Variants in HEG1 observed in about 807,000 individuals in gnomAD.
HEG1 encodes the protein protein HEG homolog 1.
Under a neutral mutation model 125.6 loss-of-function variants are expected in HEG1, and 56 were observed. The ratio of observed to expected loss-of-function variants is 0.45; its 90% CI spans 0.36 to 0.56. The LOEUF (loss-of-function observed/expected upper bound fraction) is 0.56, where lower values mean the gene tolerates loss of function less well. Among genes scored for constraint, HEG1 ranks in the 20% least tolerant of loss-of-function variants. HEG1 has a pLI of 0.00. For synonymous variants in HEG1, 644 were observed against 668.5 expected (o/e 0.96, Z 0.57); for missense variants, 1,523 against 1,670.0 (o/e 0.91, Z 1.53).
At chr3:124,994,822 A>C (rs1348616042) in intron 12 of HEG1, among the ~76,000 whole-genome samples, 1 of 151,408 alleles carries the variant, frequency 6.6e-6, no homozygotes, top group African/African-American at 2.4e-5. Flanking sequence ...CATCTTAAAA[A>C]CTCTTTTGTT....
At chr3:125,041,865 AT>A (rs1937596246) in intron 1 of HEG1, among the ~76,000 whole-genome samples, 1 of 152,258 alleles carries the variant, frequency 6.6e-6, no homozygotes, top group Non-Finnish European at 1.5e-5. Context: ...CAAATATTAC[AT>A]GATTCCACTT....
chr3:125,010,510 A>G lies in HEG1; in HGVS notation c.3002T>C (p.Val1001Ala), dbSNP rs1017345596. The change falls in exon 7 of 17, where the codon GTC (valine) becomes GCC (alanine). Residue 1001 changes from valine (V) to alanine (A), a missense_variant. By Grantham distance (64) the Val-to-Ala change is moderately conservative. Coordinates refer to ENST00000311127, the MANE Select transcript of HEG1 (RefSeq NM_020733.2). ...GTAGCCACGGCTGGTGTTGTCTGCG[A>G]CGCATTCGCCATTGTGAAGACAAGG... ...VNPCLHNGEC[V>A]ADNTSRGYHC... The G allele has an allele frequency of 5.8e-6, 9 of 1,560,234 alleles. No homozygotes were observed. Among genetic ancestry groups the G allele is most frequent in the South Asian group, 3.6e-5 (3 of 84,440 alleles).
Position 125,012,894 on chromosome 3 carries a change from T to C in HEG1, c.2685A>G (p.Thr895=). The change falls in exon 6 of 17, where the codon ACA becomes ACG. Residue 895 remains threonine (T), a synonymous_variant. Transcript: ENST00000311127. The part of the protein sequence containing the change: ...HPEILVPQIS[T]EGGISTERNR... ...TCCTTTCTGTGCTGATGCCACCTTC[T>C]GTTGAGATTTGAGGAACTAGTATTT... The C allele has an allele frequency of 6.2e-7, 1 of 1,614,082 alleles. No homozygotes were observed. The highest frequency in any genetic ancestry group is 8.5e-7 in the Non-Finnish European group (1 of 1,179,900).
intron 1 of HEG1, among the ~76,000 whole-genome samples, chr3:125,050,026 C>T (rs1435215988): frequency 1.3e-5 from 2 of 152,174 alleles, no homozygotes; most frequent in African/African-American, 2.4e-5. Flanking sequence ...GGGAGCCTAA[C>T]TGGCCTCTTC....
chr3:125,007,298 G>T (rs563108033), intron 8 of HEG1, among the ~76,000 whole-genome samples: 1 of 151,418 alleles, frequency 6.6e-6, no homozygotes, highest in East Asian at 1.9e-4. Flanking sequence ...CTTTTGGTGT[G>T]AATATAAAGA....
At position 125,039,155 on chromosome 3, in the gene HEG1, C is replaced by T. The variant is rs553951237; in HGVS notation, c.317-9667G>A. Among the ~76,000 whole-genome samples the T allele has an allele frequency of 3.9e-5, 6 of 152,210 alleles. No individual in the cohort carries two copies. The Middle Eastern group carries it at 0.01, about 259-fold the overall frequency. ...TGAATGGAGATTAAATTAACAAGAG[C>T]GTTTTATTGCTTGCTTTGCCTGTTT... is the stretch of plus-strand genomic sequence containing the variant. On this transcript the variant is annotated intron_variant, in intron 1 of 16. Coordinates refer to ENST00000311127, the MANE Select transcript of HEG1 (RefSeq NM_020733.2).
chr3:125,029,315 C>T lies in HEG1; in HGVS notation c.490G>A (p.Ala164Thr), dbSNP rs199818051. 157 of 1,613,810 alleles carry T rather than the reference C, an allele frequency of 9.7e-5. No individual in the cohort carries two copies. The highest frequency in any genetic ancestry group is 3.8e-4 in the Admixed American group (23 of 60,004). Residue 164 changes from alanine to threonine, a missense_variant, in exon 2 of 17, where the codon GCT (alanine) becomes ACT (threonine). Ala to Thr is a moderately conservative substitution (Grantham distance 58, BLOSUM62 0). Transcript: ENST00000311127. The part of the protein sequence containing the change: ...SDAPENLTLL[A>T]ETADARGRSG... ...CTTCCTCTAGCATCTGCTGTTTCAG[C>T]GAGTAGAGTGAGGTTTTCTGGAGCA... is the stretch of plus-strand genomic sequence containing the variant.
chr3:124,988,109 C>T (rs1026076965), intron 14 of HEG1, among the ~76,000 whole-genome samples: 1 of 151,758 alleles, frequency 6.6e-6, no homozygotes, highest in African/African-American at 2.4e-5. Context: ...ACAGGCTACT[C>T]CATTCTCTGA....
chr3:125,050,649 T>C (rs1296064654), intron 1 of HEG1, among the ~76,000 whole-genome samples: 1 of 152,186 alleles, frequency 6.6e-6, no homozygotes, highest in African/African-American at 2.4e-5. Context: ...TCATGCATCG[T>C]TATTTCGCTT....
chr3:124,979,615 G>T (rs962597315), intron 14 of HEG1, among the ~76,000 whole-genome samples: 2 of 152,108 alleles, frequency 1.3e-5, no homozygotes, highest in African/African-American at 4.8e-5. Flanking sequence ...TTCTCTAGTT[G>T]TAGGATCCAG....
chr3:125,027,347 A>T lies in HEG1; in HGVS notation c.771T>A (p.Ala257=), dbSNP rs373103215. The T allele has an allele frequency of 1.2e-6, 2 of 1,614,012 alleles. No individual in the cohort carries two copies. The highest frequency in any genetic ancestry group is 1.3e-5 in the African/African-American group (1 of 75,052). The change falls in exon 3 of 17, where the codon GCT becomes GCA. Residue 257 remains alanine, a synonymous_variant. Coordinates refer to ENST00000311127, the MANE Select transcript of HEG1 (RefSeq NM_020733.2). ...AAGCAGGAAGAAAGGACGGGCTCCAAGCCGAAGTGGTGGCCTCTTGGCTGT... is the reference window on the plus strand; with the variant it reads ...AAGCAGGAAGAAAGGACGGGCTCCATGCCGAAGTGGTGGCCTCTTGGCTGT... ...TVHSQEATTS[A]WSPSFLPALE...
chr3:125,002,093 C>T (rs1937009869), intron 10 of HEG1, 81 bp from the exon 11 acceptor site: 1 of 1,561,990 alleles, frequency 6.4e-7, no homozygotes, highest in African/African-American at 1.4e-5. Context: ...ATGTCATCGC[C>T]ATTCACCAGT....
At chr3:125,002,181 G>A (rs1937010920) in intron 10 of HEG1, 76 bp downstream of exon 10, 1 of 1,522,952 alleles carries the variant, frequency 6.6e-7, no homozygotes. Flanking sequence ...GCCCGGTTTT[G>A]TTGCTATCAC....
intron 5 of HEG1, 67 bp downstream of exon 5, chr3:125,019,195 A>T: frequency 7.3e-7 from 1 of 1,367,904 alleles, no homozygotes; most frequent in Non-Finnish European, 1.0e-6. Flanking sequence ...TACGCCACAG[A>T]TTTCATAAGC....
intron 5 of HEG1, 81 bp from the exon 6 acceptor site, chr3:125,014,071 T>C: frequency 1.6e-6 from 2 of 1,277,648 alleles, no homozygotes; most frequent in Non-Finnish European, 2.1e-6. Context: ...AGACTTTCAG[T>C]GTCATGAAAC....
chr3:124,966,335 G>T lies in HEG1; in HGVS notation c.*4317C>A, dbSNP rs914421000. The T allele has an allele frequency of 3.3e-5, 5 of 152,320 alleles. No homozygotes were observed. Among genetic ancestry groups the T allele is most frequent in the Non-Finnish European group, 5.9e-5 (4 of 68,024 alleles). The allele number at this position is 152,320 out of a possible 1,614,324, so 9.4% of individuals were successfully genotyped here. ...GGTTTTCTGTGAGCAGTTTACACCA[G>T]ATATGATGGAGTATAACGCTAATGA... On this transcript the variant is annotated 3_prime_UTR_variant, in exon 17 of 17. Transcript: ENST00000311127.
chr3:125,020,739 A>C (rs1179070910), intron 4 of HEG1, 53 bp downstream of exon 4: 1 of 1,491,846 alleles, frequency 6.7e-7, no homozygotes, highest in Non-Finnish European at 9.1e-7. Flanking sequence ...CCCTAAGAAA[A>C]TTCAATGATT....
chr3:125,042,310 C>T (rs2107712297), intron 1 of HEG1, among the ~76,000 whole-genome samples: 1 of 152,290 alleles, frequency 6.6e-6, no homozygotes, highest in Admixed American at 6.5e-5. Context: ...TGTCTGTAAT[C>T]TCAGCTACTC....
At chr3:125,048,115 C>T (rs540543234) in intron 1 of HEG1, among the ~76,000 whole-genome samples, 1 of 152,124 alleles carries the variant, frequency 6.6e-6, no homozygotes, top group Non-Finnish European at 1.5e-5. Context: ...TTGTCTGCCT[C>T]CCATGCCATC....
Sources: gnomAD v4.1 joint callset for allele counts (sites outside exome capture counted in the v4.1 genomes callset) on GRCh38, gnomAD v4.1.1 for gene constraint, MANE v1.5 for transcripts, NCBI Gene and HGNC (gene_info 2026-07-23, HGNC 2026-07-21) for gene names.